Variants in MYZAP observed in about 807,000 individuals in gnomAD.
MYZAP encodes the protein myocardial zonula adherens protein.
In MYZAP, 66 loss-of-function variants were observed where a neutral mutation model predicts 69.4. That is an observed-to-expected ratio of 0.95 (90% CI 0.78 to 1.17). The LOEUF is 1.17. Ranked by LOEUF, MYZAP falls within the 50% of genes most tolerant of loss-of-function variation. The pLI is 0.00. For missense variants in MYZAP, 611 were observed against 556.2 expected (o/e 1.10, Z -0.99); for synonymous variants, 256 against 205.9 (o/e 1.24, Z -2.09).
At chr15:57,604,962 G>C (rs1296406836) in intron 2 of MYZAP, among the ~76,000 whole-genome samples, 5 of 152,230 alleles carry the variant, frequency 3.3e-5, no homozygotes, top group African/African-American at 1.2e-4. Flanking sequence ...CAGGTGTTAA[G>C]ATCCAGCCCT....
At chr15:57,655,797 A>G (rs1288900519) in intron 10 of MYZAP, among the ~76,000 whole-genome samples, 1 of 152,242 alleles carries the variant, frequency 6.6e-6, no homozygotes, top group Non-Finnish European at 1.5e-5. Context: ...AAATTCTATT[A>G]ACATCAGTTA....
At chr15:57,654,696 T>C (rs1357017453) in intron 10 of MYZAP, among the ~76,000 whole-genome samples, 3 of 152,206 alleles carry the variant, frequency 2.0e-5, no homozygotes, top group Non-Finnish European at 4.4e-5. Context: ...TTCTGTCCTC[T>C]GATGTGAAAT....
intron 10 of MYZAP, among the ~76,000 whole-genome samples, chr15:57,659,425 A>C (rs2038167565): frequency 6.6e-6 from 1 of 152,198 alleles, no homozygotes; most frequent in South Asian, 2.1e-4. Flanking sequence ...TTATGAATTC[A>C]TACTGATATT....
At chr15:57,660,110 C>T (rs903384315) in intron 10 of MYZAP, among the ~76,000 whole-genome samples, 6 of 152,078 alleles carry the variant, frequency 3.9e-5, no homozygotes, top group African/African-American at 7.2e-5. Context: ...TTTAACCAGT[C>T]GCTTATTGAT....
At chr15:57,614,813 C>A (rs141572265) in intron 2 of MYZAP, among the ~76,000 whole-genome samples, 3 of 152,232 alleles carry the variant, frequency 2.0e-5, no homozygotes, top group South Asian at 4.2e-4. Context: ...CATAGGCAGG[C>A]ACTTGCAGGC....
chr15:57,627,574 T>C (rs2036234245), intron 5 of MYZAP, among the ~76,000 whole-genome samples: 1 of 152,110 alleles, frequency 6.6e-6, no homozygotes, highest in South Asian at 2.1e-4. Flanking sequence ...TTCTTCCTTA[T>C]GCAAGACCCC....
At chr15:57,647,238 G>T (rs747443235) in intron 10 of MYZAP, 1 of 985,374 alleles carries the variant, frequency 1.0e-6, no homozygotes, top group East Asian at 1.1e-4. Context: ...ATACTTTTCC[G>T]CATTAGTTAT....
intron 2 of MYZAP, among the ~76,000 whole-genome samples, chr15:57,617,732 T>A (rs752484437): frequency 1.3e-5 from 2 of 152,198 alleles, no homozygotes; most frequent in Admixed American, 1.3e-4. Context: ...TGCTTGCTCT[T>A]CTTACTAGGA....
At chr15:57,631,777 G>C (rs1595889109) in intron 6 of MYZAP, among the ~76,000 whole-genome samples, 1 of 152,178 alleles carries the variant, frequency 6.6e-6, no homozygotes, top group African/African-American at 2.4e-5. Flanking sequence ...CAGAGTTTAG[G>C]TATGCAGCAA....
chr15:57,648,464 A>T (rs2037560135), intron 10 of MYZAP: 1 of 983,856 alleles, frequency 1.0e-6, no homozygotes, highest in African/African-American at 1.7e-5. Context: ...TGCTTCTCTC[A>T]TTCCAAGGCT....
chr15:57,684,327 T>C (rs1390115520), intron 12 of MYZAP, 75 bp from the exon 13 acceptor site: 6 of 900,060 alleles, frequency 6.7e-6, no homozygotes, highest in Non-Finnish European at 1.1e-5. Context: ...TTTTCTAGAG[T>C]TGTCTTACCA....
chr15:57,630,884 T>A (rs1248233802), intron 6 of MYZAP, among the ~76,000 whole-genome samples: 6 of 152,224 alleles, frequency 3.9e-5, no homozygotes, highest in Admixed American at 2.6e-4. Context: ...AAGGTGGTAC[T>A]ATTGGTAATT....
At chr15:57,679,685 C>A (rs2039332068) in intron 12 of MYZAP, among the ~76,000 whole-genome samples, 1 of 152,180 alleles carries the variant, frequency 6.6e-6, no homozygotes, top group African/African-American at 2.4e-5. Context: ...CCTCCAAGAC[C>A]CTCCCATGGT....
intron 11 of MYZAP, among the ~76,000 whole-genome samples, chr15:57,670,076 T>A (rs972421527): frequency 6.6e-6 from 1 of 152,096 alleles, no homozygotes; most frequent in Admixed American, 6.5e-5. Flanking sequence ...TGTGAAAAAA[T>A]ATATATTTTG....
intron 8 of MYZAP, among the ~76,000 whole-genome samples, chr15:57,635,317 T>C (rs1444351545): frequency 6.6e-6 from 1 of 152,176 alleles, no homozygotes; most frequent in Non-Finnish European, 1.5e-5. Context: ...GTTCGATCAT[T>C]TGTGGCTATG....
rs201134465 is a variant in MYZAP, at chr15:57,638,639, G to C, written c.1014-801G>C. On this transcript the variant is annotated intron_variant, in intron 9 of 12. Coordinates refer to ENST00000267853, the MANE Select transcript of MYZAP (RefSeq NM_001018100.5). ...GCCCCAGCGGCCCCAGAGAACTGAA[G>C]AGTCCAAGCAATGTTGGAGAATAAA... 2.0e-5 allele frequency among the ~76,000 whole-genome samples: 3 copies of C among 152,172 alleles called. No individual in the cohort carries two copies. The East Asian group carries it at 5.8e-4, about 29-fold the overall frequency.
At chr15:57,598,372 C>T (rs1249378613) in intron 1 of MYZAP, among the ~76,000 whole-genome samples, 3 of 152,334 alleles carry the variant, frequency 2.0e-5, no homozygotes, top group African/African-American at 7.2e-5. Flanking sequence ...AAGTGCAAGG[C>T]ACTCCAGGGA....
At chr15:57,636,988 C>G (rs2036856085) in intron 8 of MYZAP, among the ~76,000 whole-genome samples, 1 of 152,186 alleles carries the variant, frequency 6.6e-6, no homozygotes, top group Non-Finnish European at 1.5e-5. Flanking sequence ...TCTCTAACTT[C>G]TGGAGGCCAC....
intron 6 of MYZAP, among the ~76,000 whole-genome samples, chr15:57,631,244 CTA>C (rs1363960672): frequency 6.6e-6 from 1 of 152,084 alleles, no homozygotes; most frequent in Non-Finnish European, 1.5e-5. Context: ...AGTGTCTACT[CTA>C]TGTGTGTGTC....
Sources: allele counts gnomAD v4.1 joint callset (sites outside exome capture counted in the v4.1 genomes callset), GRCh38; gene constraint gnomAD v4.1.1; transcripts MANE v1.5; gene names NCBI Gene and HGNC (gene_info 2026-07-23, HGNC 2026-07-21).